Variants in ANAPC7 observed in about 807,000 individuals in gnomAD.
ANAPC7 encodes anaphase-promoting complex subunit 7.
Under a neutral mutation model 63.3 loss-of-function variants are expected in ANAPC7, and 25 were observed. That is an observed-to-expected ratio of 0.39 (90% CI 0.29 to 0.55). The LOEUF (loss-of-function observed/expected upper bound fraction) is 0.55, where lower values mean the gene tolerates loss of function less well. ANAPC7 is among the 20% of genes least tolerant of loss of function. ANAPC7 has a pLI of 0.57. For missense variants in ANAPC7, 516 were observed against 691.7 expected, an observed-to-expected ratio of 0.75 and a Z score of 2.85; for synonymous variants, 241 against 251.7, an observed-to-expected ratio of 0.96 and a Z score of 0.40.
At chr12:110,377,883 T>C (rs532947681) in intron 8 of ANAPC7, 3 of 1,247,314 alleles carry the variant, frequency 2.4e-6, no homozygotes, top group South Asian at 1.7e-5. Context: ...GTAAGGAACC[T>C]GCAGCATGTG....
At chr12:110,385,265 TCAAA>T (rs1002893519) in intron 6 of ANAPC7, among the ~76,000 whole-genome samples, 2 of 152,128 alleles carry the variant, frequency 1.3e-5, no homozygotes, top group Admixed American at 1.3e-4. Flanking sequence ...AAACTCCGTC[TCAAA>T]CAAACAAATA....
intron 1 of ANAPC7, among the ~76,000 whole-genome samples, chr12:110,397,019 C>T (rs959557560): frequency 7.3e-5 from 11 of 150,728 alleles, no homozygotes; most frequent in Admixed American, 2.0e-4. Flanking sequence ...CTGGCTAACG[C>T]GGTGAAACCC....
At chr12:110,399,833 C>T (rs1421502977) in intron 1 of ANAPC7, among the ~76,000 whole-genome samples, 4 of 149,556 alleles carry the variant, frequency 2.7e-5, no homozygotes, top group Non-Finnish European at 5.9e-5. Flanking sequence ...CGGTGGCTCA[C>T]GCCTGTAATC....
At chr12:110,382,461 A>ATATATATATAT (rs1321570855) in intron 7 of ANAPC7, among the ~76,000 whole-genome samples, 6 of 30,842 alleles carry the variant, frequency 1.9e-4, no homozygotes, top group Admixed American at 5.4e-4. Context: ...AAAAAAAAAA[A>ATATATATATAT]ATATATATAT....
Position 110,395,200 on chromosome 12 carries a change from T to G in ANAPC7, c.309A>C (p.Glu103Asp). 6.2e-7 allele frequency: 1 copy of G among 1,612,432 alleles called. No individual in the cohort carries two copies. Among genetic ancestry groups the G allele is most frequent in the Admixed American group, 1.7e-5 (1 of 59,580 alleles). The change falls in exon 3 of 11, where the codon GAA becomes GAC. Residue 103 changes from glutamate to aspartate, a missense_variant. Transcript: ENST00000455511. Reference protein sequence around the residue: ...PQSQCLPSEIEVKYKMAECYT... With the variant: ...PQSQCLPSEIDVKYKMAECYT... ...AACATTCAGCCATTTTGTATTTCAC[T>G]TCAATTTCAGATGGAAGACACTAAA...
chr12:110,397,020 G>C (rs182860198), intron 1 of ANAPC7, among the ~76,000 whole-genome samples: 1 of 151,190 alleles, frequency 6.6e-6, no homozygotes, highest in Non-Finnish European at 1.5e-5. Context: ...TGGCTAACGC[G>C]GTGAAACCCC....
At chr12:110,402,207 A>G (rs1237960841) in intron 1 of ANAPC7, among the ~76,000 whole-genome samples, 1 of 152,160 alleles carries the variant, frequency 6.6e-6, no homozygotes, top group African/African-American at 2.4e-5. Flanking sequence ...ATAAAAACAA[A>G]TAACAGAATA....
chr12:110,387,659 C>A, intron 5 of ANAPC7, 80 bp downstream of exon 5: 1 of 1,501,174 alleles, frequency 6.7e-7, no homozygotes, highest in South Asian at 1.3e-5. Context: ...TCTCATTTTT[C>A]TTTTTGCTAC....
intron 8 of ANAPC7, chr12:110,377,873 G>T: frequency 7.6e-7 from 1 of 1,323,426 alleles, no homozygotes; most frequent in Non-Finnish European, 9.8e-7. Context: ...ACAAGCACAT[G>T]TAAGGAACCT....
At chr12:110,387,994 C>A in intron 4 of ANAPC7, 102 bp from the exon 5 acceptor site, 1 of 1,238,170 alleles carries the variant, frequency 8.1e-7, no homozygotes. Context: ...AAGGCAACTG[C>A]TTCCCTATTC....
At chr12:110,378,475 T>C (rs1207837590) in intron 8 of ANAPC7, 3 of 152,232 alleles carry the variant, frequency 2.0e-5, no homozygotes, top group Admixed American at 6.5e-5. Flanking sequence ...AAAGACTCTT[T>C]TATTTGAAAC....
At chr12:110,384,392 TAAC>T (rs527825447) in intron 6 of ANAPC7, among the ~76,000 whole-genome samples, 77 of 151,132 alleles carry the variant, frequency 5.1e-4, no homozygotes, top group African/African-American at 1.7e-3. Flanking sequence ...ACCCTGTCTC[TAAC>T]AACAAAACCA....
rs1362231209 is a variant in ANAPC7, at chr12:110,381,797, G to A, written c.1087C>T (p.Arg363Trp). 1 of 1,613,828 alleles carries A rather than the reference G, an allele frequency of 6.2e-7. No individual in the cohort carries two copies. Among genetic ancestry groups the A allele is most frequent in the Non-Finnish European group, 8.5e-7 (1 of 1,180,006 alleles). Residue 363 changes from arginine to tryptophan, a missense_variant, in exon 8 of 11, where the codon CGG becomes TGG. By Grantham distance (101) the Arg-to-Trp change is moderately radical (BLOSUM62 -3). Transcript: ENST00000455511. ...CAAGGTGCGAGCCGTATGGCCTCCC[G>A]AAAGTGGATTATTGCTTCTTGGACT... Reference protein sequence around the residue: ...GRVQEAIIHFREAIRLAPCRL... With the variant: ...GRVQEAIIHFWEAIRLAPCRL...
chr12:110,395,603 T>A (rs1186789612), intron 2 of ANAPC7, among the ~76,000 whole-genome samples: 1 of 152,028 alleles, frequency 6.6e-6, no homozygotes, highest in Non-Finnish European at 1.5e-5. Context: ...TCTTCTTTTT[T>A]TTTTTTTGAG....
chr12:110,375,465 AC>A, intron 10 of ANAPC7: 1 of 985,118 alleles, frequency 1.0e-6, no homozygotes, highest in Non-Finnish European at 1.2e-6. Flanking sequence ...CAAAGAAACC[AC>A]TTCTGTATTA....
chr12:110,403,541 C>T lies in ANAPC7; in HGVS notation c.87G>A (p.Met29Ile). Residue 29 changes from methionine to isoleucine, a missense_variant, in exon 1 of 11, where the codon ATG (methionine) becomes ATA (isoleucine). This residue lies in a region of ANAPC7 where 185 missense variants were observed against 200.3 expected (regional missense o/e 0.92). Coordinates refer to ENST00000455511, the MANE Select transcript of ANAPC7 (RefSeq NM_016238.3). ...CCTCAACTCACGGGTTGTTATTACT[C>T]ATTGTAAGTAACAAGCTGCTGAGGA... ...VRLLSSLLLT[M>I]SNNNPELFSP... The T allele has an allele frequency of 1.9e-6, 3 of 1,603,994 alleles. No individual in the cohort carries two copies. The highest frequency in any genetic ancestry group is 2.6e-6 in the Non-Finnish European group (3 of 1,175,952).
At chr12:110,399,271 C>T (rs1180402417) in intron 1 of ANAPC7, among the ~76,000 whole-genome samples, 1 of 151,972 alleles carries the variant, frequency 6.6e-6, no homozygotes, top group East Asian at 2.0e-4. Flanking sequence ...CCACCCGCCT[C>T]AGCCTCCCAA....
intron 1 of ANAPC7, among the ~76,000 whole-genome samples, chr12:110,400,165 C>G (rs1421256260): frequency 6.6e-6 from 1 of 152,140 alleles, no homozygotes; most frequent in Non-Finnish European, 1.5e-5. Flanking sequence ...CTCTGTGATT[C>G]TATGTATGTA....
At chr12:110,387,519 G>C (rs953315299) in intron 5 of ANAPC7, 14 of 439,782 alleles carry the variant, frequency 3.2e-5, no homozygotes, top group African/African-American at 2.8e-4. Flanking sequence ...TGCAGGCACA[G>C]AGCTAAACTC....
Sources: gnomAD v4.1 joint callset for allele counts (sites outside exome capture counted in the v4.1 genomes callset) on GRCh38, gnomAD v4.1.1 for gene constraint, gnomAD v4.1.1 regional missense constraint, MANE v1.5 for transcripts, NCBI Gene and HGNC (gene_info 2026-07-23, HGNC 2026-07-21) for gene names.